ZNF385D: variants seen among roughly 807,000 people sequenced by gnomAD.
The protein encoded by ZNF385D is zinc finger protein 659.
A neutral mutation model predicts 35.8 loss-of-function variants in ZNF385D; 15 were observed. The ratio of observed to expected loss-of-function variants is 0.42; its 90% confidence interval spans 0.28 to 0.64. The LOEUF (loss-of-function observed/expected upper bound fraction) is 0.64. Ranked by LOEUF, ZNF385D falls within the 30% of genes least tolerant of loss-of-function variation. The probability of loss-of-function intolerance (pLI) is 0.23; values close to 1 mark genes in which losing one functional copy is unlikely to be tolerated. For synonymous variants in ZNF385D, 212 were observed against 186.8 expected, an observed-to-expected ratio of 1.13 and a Z score of -1.10; for missense variants, 474 against 494.6, an observed-to-expected ratio of 0.96 and a Z score of 0.39.
intron 3 of ZNF385D, among the ~76,000 whole-genome samples, chr3:22,029,441 G>A (rs1219630174): frequency 6.6e-6 from 1 of 152,152 alleles, no homozygotes; most frequent in Non-Finnish European, 1.5e-5. Flanking sequence ...TACTCCAGCA[G>A]GAAAAAACCC....
At chr3:21,524,135 G>A (rs1246067435) in intron 3 of ZNF385D, among the ~76,000 whole-genome samples, 1 of 152,170 alleles carries the variant, frequency 6.6e-6, no homozygotes, top group Non-Finnish European at 1.5e-5. Context: ...TTTGGGGGAA[G>A]AGCATGAGTT....
intron 3 of ZNF385D, among the ~76,000 whole-genome samples, chr3:21,512,152 A>AG (rs1707263877): frequency 6.6e-6 from 1 of 151,528 alleles, no homozygotes; most frequent in Non-Finnish European, 1.5e-5. Flanking sequence ...TCTCAAAAAA[A>AG]AAAAAAAAAA....
intron 3 of ZNF385D, among the ~76,000 whole-genome samples, chr3:21,810,252 A>C (rs1371285291): frequency 6.6e-6 from 1 of 152,166 alleles, no homozygotes; most frequent in Middle Eastern, 3.2e-3. Flanking sequence ...AAATCAGTGA[A>C]TCTAAAGACA....
At chr3:22,153,408 T>C (rs2125724172) in intron 3 of ZNF385D, among the ~76,000 whole-genome samples, 2 of 151,978 alleles carry the variant, frequency 1.3e-5, no homozygotes, top group Admixed American at 1.3e-4. Context: ...CACAAGTTCC[T>C]GCATTCACAA....
chr3:22,350,849 T>C (rs932814175), intron 2 of ZNF385D, among the ~76,000 whole-genome samples: 13 of 152,128 alleles, frequency 8.5e-5, no homozygotes, highest in Non-Finnish European at 1.8e-4. Context: ...GCACCACTTA[T>C]TGCATGGCAG....
At chr3:21,941,074 A>T (rs1311243996) in intron 3 of ZNF385D, among the ~76,000 whole-genome samples, 4 of 152,216 alleles carry the variant, frequency 2.6e-5, no homozygotes, top group Admixed American at 6.5e-5. Flanking sequence ...CCAATGAAAA[A>T]AGATGACACA....
intron 3 of ZNF385D, among the ~76,000 whole-genome samples, chr3:21,995,945 C>A (rs568433490): frequency 3.4e-4 from 51 of 152,108 alleles, no homozygotes; most frequent in African/African-American, 1.1e-3. Context: ...ACTGTGTGGG[C>A]TAGAGTGCTG....
chr3:21,574,656 A>G (rs1031281669), intron 2 of ZNF385D, among the ~76,000 whole-genome samples: 6 of 152,134 alleles, frequency 3.9e-5, no homozygotes, highest in African/African-American at 1.4e-4. Context: ...GATGTGCTTC[A>G]AAATCTTTGA....
intron 3 of ZNF385D, among the ~76,000 whole-genome samples, chr3:21,858,210 C>T (rs886106382): frequency 2.0e-5 from 3 of 147,966 alleles, no homozygotes; most frequent in African/African-American, 5.0e-5. Context: ...ATCTCAGAAA[C>T]GTCAGAAAAA....
intron 1 of ZNF385D, among the ~76,000 whole-genome samples, chr3:21,720,503 ATG>A (rs1204646583): frequency 6.6e-6 from 1 of 152,192 alleles, no homozygotes; most frequent in East Asian, 1.9e-4. Context: ...TCAGTGAGCT[ATG>A]ACTGTGCCAC....
intron 3 of ZNF385D, among the ~76,000 whole-genome samples, chr3:21,831,946 T>A (rs776326253): frequency 6.6e-6 from 1 of 152,222 alleles, no homozygotes; most frequent in Non-Finnish European, 1.5e-5. Context: ...AATGGGCTAA[T>A]AAATGTGCTT....
At chr3:22,354,050 C>A (rs1464901337) in intron 2 of ZNF385D, among the ~76,000 whole-genome samples, 1 of 151,936 alleles carries the variant, frequency 6.6e-6, no homozygotes, top group Non-Finnish European at 1.5e-5. Flanking sequence ...TTTTGGTTGG[C>A]CAGACCATAG....
intron 2 of ZNF385D, among the ~76,000 whole-genome samples, chr3:22,173,102 C>A (rs988434178): frequency 6.6e-6 from 1 of 152,110 alleles, no homozygotes; most frequent in Non-Finnish European, 1.5e-5. Context: ...AAATAATAGA[C>A]AAACACAAAC....
At chr3:21,805,315 A>C (rs1048675977) in intron 3 of ZNF385D, among the ~76,000 whole-genome samples, 4 of 152,188 alleles carry the variant, frequency 2.6e-5, no homozygotes, top group Non-Finnish European at 4.4e-5. Flanking sequence ...GTGGGTGTTT[A>C]GTGTGGAAAT....
chr3:21,667,067 ACT>A (rs1296753082), intron 1 of ZNF385D, among the ~76,000 whole-genome samples: 1 of 152,146 alleles, frequency 6.6e-6, no homozygotes, highest in African/African-American at 2.4e-5. Context: ...ACAGAGCAAG[ACT>A]CTATTTCAAA....
chr3:21,890,820 T>C (rs916162877), intron 3 of ZNF385D, among the ~76,000 whole-genome samples: 2 of 152,154 alleles, frequency 1.3e-5, no homozygotes, highest in Admixed American at 6.5e-5. Flanking sequence ...AGGATTGACT[T>C]GCATTATGGA....
chr3:21,722,507 C>T (rs935703440), intron 1 of ZNF385D, among the ~76,000 whole-genome samples: 6 of 152,200 alleles, frequency 3.9e-5, no homozygotes, highest in Admixed American at 6.5e-5. Context: ...AGTCTAGGCT[C>T]CTCCTGCTAG....
At chr3:21,846,097 G>A (rs973985493) in intron 3 of ZNF385D, among the ~76,000 whole-genome samples, 8 of 151,976 alleles carry the variant, frequency 5.3e-5, no homozygotes. Context: ...CGGGGTCACA[G>A]GAGTTGGAAA....
At chr3:21,595,493 T>C (rs1166715730) in intron 2 of ZNF385D, among the ~76,000 whole-genome samples, 1 of 142,736 alleles carries the variant, frequency 7.0e-6, no homozygotes, top group East Asian at 1.9e-4. Flanking sequence ...TTATGTAATA[T>C]ATATGTATGT....
Sources: allele counts gnomAD v4.1 joint callset (sites outside exome capture counted in the v4.1 genomes callset), GRCh38; gene constraint gnomAD v4.1.1; transcripts MANE v1.5; gene names NCBI Gene and HGNC (gene_info 2026-07-23, HGNC 2026-07-21).